Variants in MACROD2 observed in about 807,000 individuals in gnomAD.
MACROD2 encodes the protein ADP-ribose glycohydrolase MACROD2.
A neutral mutation model predicts 70.4 loss-of-function variants in MACROD2; 36 were observed. The ratio of observed to expected loss-of-function variants is 0.51; its 90% confidence interval spans 0.39 to 0.68. The LOEUF is 0.68. MACROD2 is among the 30% of genes least tolerant of loss of function. The pLI is 0.00. For missense variants in MACROD2, 496 were observed against 538.4 expected (o/e 0.92, Z 0.78); for synonymous variants, 172 against 178.8 (o/e 0.96, Z 0.30).
At chr20:14,036,111 C>T in intron 2 of MACROD2, among the ~76,000 whole-genome samples, 1 of 151,254 alleles carries the variant, frequency 6.6e-6, no homozygotes, top group East Asian at 1.9e-4. Flanking sequence ...CACTGCACTC[C>T]AGCCTGGGTG....
rs145270797 is a variant in MACROD2, at chr20:15,905,756, G to A, written c.775+19945G>A. Among the ~76,000 whole-genome samples, 530 of 152,202 alleles carry A rather than the reference G, an allele frequency of 3.5e-3. 2 individuals carry two copies. The highest frequency in any genetic ancestry group is 0.012 in the African/African-American group (510 of 41,528). On this transcript the variant is annotated intron_variant, in intron 10 of 17. Coordinates refer to ENST00000684519, the MANE Select transcript of MACROD2 (RefSeq NM_001351661.2). ...TAATGTAACAAAGTTGTGCTTTCCT[G>A]CTATACCAGAGAGAGCCTTAAAACT...
At chr20:15,555,737 G>A (rs2048157119) in intron 8 of MACROD2, among the ~76,000 whole-genome samples, 1 of 146,450 alleles carries the variant, frequency 6.8e-6, no homozygotes, top group African/African-American at 2.5e-5. Flanking sequence ...GCTGAGGCAG[G>A]AGAATTGCTT....
chr20:14,347,429 A>G (rs2083075225), intron 3 of MACROD2, among the ~76,000 whole-genome samples: 1 of 152,200 alleles, frequency 6.6e-6, no homozygotes, highest in African/African-American at 2.4e-5. Flanking sequence ...ATGTAATGAG[A>G]CTAGTATTCT....
rs1233393822 is a variant in MACROD2 at position 14,676,455 on chromosome 20, C to T, written c.302-8388C>T. On this transcript the variant is annotated intron_variant, in intron 4 of 17. Transcript: ENST00000684519. ...CTACATGGAAACTGAACAAGCTGTT[C>T]CTGAATGACTACTGGGTAAATAACG... is the stretch of plus-strand genomic sequence containing the variant. 2.0e-5 allele frequency among the ~76,000 whole-genome samples: 3 copies of T among 152,146 alleles called. No individual in the cohort carries two copies. The East Asian group carries it at 5.8e-4, about 29-fold the overall frequency.
At position 15,461,006 on chromosome 20, in the gene MACROD2, A is replaced by ATATATATATATATATT; in HGVS notation, c.571+29572_571+29573insATATATATATATATTT. Among the ~76,000 whole-genome samples the ATATATATATATATATT allele has an allele frequency of 1.0e-3, 68 of 66,978 alleles. 1 individual carries two copies. Among genetic ancestry groups the ATATATATATATATATT allele is most frequent in the Non-Finnish European group, 1.5e-3 (45 of 30,432 alleles). The allele number at this position is 66,978 out of a possible 152,430, so 43.9% of individuals were successfully genotyped here. On this transcript the variant is annotated intron_variant, in intron 7 of 17. Transcript: ENST00000684519. ...TATATATATATATATATATATATAT[A>ATATATATATATATATT]TTTTTTTTTAATAGATGGGGTCTTG...
rs562469315 is a variant in MACROD2, at chr20:15,538,350, T to C, written c.645+38503T>C. Reference sequence around the variant, plus strand: ...TAGGGGTAGAATCAATAGGACCCACTAAACAATTTGAGATGTAAAAGACGG... The same window carrying C: ...TAGGGGTAGAATCAATAGGACCCACCAAACAATTTGAGATGTAAAAGACGG... On this transcript the variant is annotated intron_variant, in intron 8 of 17. Transcript: ENST00000684519. 5.9e-5 allele frequency among the ~76,000 whole-genome samples: 9 copies of C among 152,296 alleles called. No homozygotes were observed. The South Asian group carries it at 1.7e-3, about 28-fold the overall frequency.
chr20:15,335,019 T>G (rs2078033161), intron 6 of MACROD2, among the ~76,000 whole-genome samples: 1 of 151,730 alleles, frequency 6.6e-6, no homozygotes, highest in Admixed American at 6.6e-5. Flanking sequence ...CAGTAGGCTG[T>G]GTTAGAAATT....
At chr20:15,301,465 G>T (rs1056414533) in intron 6 of MACROD2, among the ~76,000 whole-genome samples, 1 of 152,028 alleles carries the variant, frequency 6.6e-6, no homozygotes, top group Non-Finnish European at 1.5e-5. Flanking sequence ...GCTTCCTAGT[G>T]TCTTCTTTTA....
intron 3 of MACROD2, among the ~76,000 whole-genome samples, chr20:14,302,237 A>G (rs2122491065): frequency 1.3e-5 from 2 of 152,286 alleles, no homozygotes; most frequent in Middle Eastern, 3.4e-3. Flanking sequence ...GGCAGAATTG[A>G]GTTCCTTGTG....
At chr20:14,303,885 T>G (rs2082497376) in intron 3 of MACROD2, among the ~76,000 whole-genome samples, 3 of 152,180 alleles carry the variant, frequency 2.0e-5, no homozygotes, top group African/African-American at 7.2e-5. Flanking sequence ...AGAGGGCACT[T>G]GTGTCATGGT....
intron 6 of MACROD2, among the ~76,000 whole-genome samples, chr20:15,307,551 C>A (rs1164811829): frequency 6.6e-6 from 1 of 151,964 alleles, no homozygotes; most frequent in African/African-American, 2.4e-5. Context: ...TTTCTATTTC[C>A]CAACTTTTGG....
At chr20:14,441,866 A>G (rs2084127522) in intron 3 of MACROD2, among the ~76,000 whole-genome samples, 1 of 151,580 alleles carries the variant, frequency 6.6e-6, no homozygotes. Context: ...GTTGATAGTG[A>G]TGTACGCGTT....
intron 3 of MACROD2, among the ~76,000 whole-genome samples, chr20:14,433,106 A>G (rs2084013954): frequency 6.6e-6 from 1 of 152,144 alleles, no homozygotes; most frequent in South Asian, 2.1e-4. Context: ...TATTTAGAGA[A>G]AAATAGACCA....
chr20:15,351,346 T>A (rs956939409), intron 6 of MACROD2, among the ~76,000 whole-genome samples: 1 of 152,210 alleles, frequency 6.6e-6, no homozygotes, highest in African/African-American at 2.4e-5. Context: ...GTGTGAAAAT[T>A]AGTTACCCTT....
At chr20:15,547,163 A>G (rs2048036275) in intron 8 of MACROD2, among the ~76,000 whole-genome samples, 1 of 152,202 alleles carries the variant, frequency 6.6e-6, no homozygotes, top group African/African-American at 2.4e-5. Context: ...TTTCAGTTTC[A>G]GTTACCTCAA....
chr20:15,196,608 A>G (rs2076608504), intron 5 of MACROD2, among the ~76,000 whole-genome samples: 1 of 152,202 alleles, frequency 6.6e-6, no homozygotes, highest in Admixed American at 6.5e-5. Flanking sequence ...AAGTAGTCCA[A>G]TCAGTAGTAA....
intron 7 of MACROD2, among the ~76,000 whole-genome samples, chr20:15,494,776 TGC>T (rs1555829397): frequency 3.0e-5 from 4 of 131,892 alleles, no homozygotes; most frequent in Non-Finnish European, 3.2e-5. Context: ...CGTGTGTGTG[TGC>T]GCGCGTGTGT....
intron 3 of MACROD2, among the ~76,000 whole-genome samples, chr20:14,268,604 T>C (rs2082164486): frequency 6.6e-6 from 1 of 152,156 alleles, no homozygotes; most frequent in Admixed American, 6.5e-5. Context: ...TAAACTGATA[T>C]TTTAGGAATT....
At chr20:15,361,050 T>G (rs2078346034) in intron 6 of MACROD2, among the ~76,000 whole-genome samples, 1 of 152,114 alleles carries the variant, frequency 6.6e-6, no homozygotes, top group South Asian at 2.1e-4. Flanking sequence ...AGAGCAAAAA[T>G]TTTACATTTT....
Sources: gnomAD v4.1 joint callset for allele counts (sites outside exome capture counted in the v4.1 genomes callset) on GRCh38, gnomAD v4.1.1 for gene constraint, MANE v1.5 for transcripts, NCBI Gene and HGNC (gene_info 2026-07-23, HGNC 2026-07-21) for gene names.